Variants in GLRA2 observed in about 807,000 individuals in gnomAD.
The protein encoded by GLRA2 is glycine receptor subunit alpha-2.
GLRA2 carries 11 observed loss-of-function variants against 31.6 expected under a neutral mutation model. The ratio of observed to expected loss-of-function variants is 0.35; its 90% CI spans 0.22 to 0.58. The LOEUF (loss-of-function observed/expected upper bound fraction) is 0.58. Among genes scored for constraint, GLRA2 ranks in the 20% least tolerant of loss-of-function variants. GLRA2 has a pLI of 0.84. For synonymous variants in GLRA2, 132 were observed against 134.0 expected, an observed-to-expected ratio of 0.99 and a Z score of 0.10; for missense variants, 212 against 351.8, an observed-to-expected ratio of 0.60 and a Z score of 3.18.
At chrX:14,482,397 G>A in the GLRA2 span, among the ~76,000 whole-genome samples, 1 of 111,202 alleles carries the variant, frequency 9.0e-6, no homozygotes, top group African/African-American at 3.3e-5. Flanking sequence ...TCAGAATCAT[G>A]TTCTTCAAAT....
chrX:14,464,213 T>C, the GLRA2 span, among the ~76,000 whole-genome samples: 1 of 112,367 alleles, frequency 8.9e-6, no homozygotes, highest in African/African-American at 3.2e-5. Flanking sequence ...ATTTTTGATT[T>C]TGTTGCCTGT....
At chrX:14,514,721 T>G in the GLRA2 span, among the ~76,000 whole-genome samples, 1 of 111,357 alleles carries the variant, frequency 9.0e-6, no homozygotes, top group Non-Finnish European at 1.9e-5. Context: ...TTTTTAGCAT[T>G]TGAAAACTTC....
Position 14,635,885 on chromosome X carries a change from G to A in GLRA2, c.930+26680G>A, listed in dbSNP as rs180747772. Among the ~76,000 whole-genome samples, 282 of 110,809 alleles carry A rather than the reference G, an allele frequency of 2.5e-3. 2 individuals are homozygous for A. The highest frequency in any genetic ancestry group is 3.2e-3 in the Non-Finnish European group (168 of 52,858). On this transcript the variant is annotated intron_variant, in intron 7 of 8. Coordinates refer to ENST00000218075, the MANE Select transcript of GLRA2 (RefSeq NM_002063.4). Reference sequence around the variant, plus strand: ...TCAAACATTGCAGTTTGAATTGAGAGCAAAGAGATGCTTCCCCTTGTGCCC... The same window carrying A: ...TCAAACATTGCAGTTTGAATTGAGAACAAAGAGATGCTTCCCCTTGTGCCC...
At position 14,532,731 on chromosome X, in the gene GLRA2, C is replaced by T. The variant is rs1313182784; in HGVS notation, c.202+359C>T. Among the ~76,000 whole-genome samples, 15 of 111,694 alleles carry T rather than the reference C, an allele frequency of 1.3e-4. No homozygotes were observed. The Admixed American group carries it at 1.4e-3, about 11-fold the overall frequency. ...GGATGCATGCAAGATTCAGTGGTTA[C>T]TCCAAAATATTTGGTTTTGATTTTA... On this transcript the variant is annotated intron_variant, in intron 2 of 8. Transcript: ENST00000218075.
At chrX:14,489,248 G>A in the GLRA2 span, among the ~76,000 whole-genome samples, 1 of 111,526 alleles carries the variant, frequency 9.0e-6, no homozygotes, top group East Asian at 2.8e-4. Flanking sequence ...TGAAACACAG[G>A]TAAAATTGTA....
the GLRA2 span, among the ~76,000 whole-genome samples, chrX:14,521,609 G>T: frequency 9.0e-6 from 1 of 111,514 alleles, no homozygotes; most frequent in South Asian, 3.8e-4. Flanking sequence ...GATGGTCACA[G>T]GACTTAGTCT....
intron 7 of GLRA2, among the ~76,000 whole-genome samples, chrX:14,659,048 T>A: frequency 8.9e-6 from 1 of 112,278 alleles, no homozygotes; most frequent in Non-Finnish European, 1.9e-5. Flanking sequence ...TCACTCTGCC[T>A]TAAAGGCTCC....
the GLRA2 span, among the ~76,000 whole-genome samples, chrX:14,494,897 C>A: frequency 9.0e-6 from 1 of 111,724 alleles, no homozygotes; most frequent in Non-Finnish European, 1.9e-5. Flanking sequence ...CCCAGATGTT[C>A]TGAGTATGAG....
In GLRA2 at chrX:14,574,396, C is replaced by T. The variant is rs1471875378; in HGVS notation, c.266C>T (p.Thr89Ile). 2 of 1,184,253 alleles carry T rather than the reference C, an allele frequency of 1.7e-6. No homozygotes were observed. The highest frequency in any genetic ancestry group is 2.2e-5 in the Admixed American group (1 of 45,843). The change falls in exon 3 of 9, where the codon ACC becomes ATC. Residue 89 changes from threonine to isoleucine, a missense_variant. Coordinates refer to ENST00000218075, the MANE Select transcript of GLRA2 (RefSeq NM_002063.4). The stretch of plus-strand genomic sequence containing the variant: ...AGTTTTGGATCAGTCACAGAAACGA[C>T]CATGGTAAGTGCTGCAATGCCACTG... Reference protein sequence around the residue: ...INSFGSVTETTMDYRVNIFLR... With the variant: ...INSFGSVTETIMDYRVNIFLR...
At chrX:14,594,940 G>GAA (rs533954335) in intron 4 of GLRA2, among the ~76,000 whole-genome samples, 28 of 77,462 alleles carry the variant, frequency 3.6e-4, no homozygotes, top group South Asian at 7.3e-4. Flanking sequence ...AGGTCAACAG[G>GAA]AAAAAAAAAA....
the GLRA2 span, among the ~76,000 whole-genome samples, chrX:14,460,409 C>A: frequency 5.7e-3 from 635 of 111,956 alleles, 2 homozygotes; most frequent in Non-Finnish European, 8.2e-3. Flanking sequence ...GGAGGATTCC[C>A]TCTTTTTCTA....
At chrX:14,573,872 C>T (rs1391822584) in intron 2 of GLRA2, among the ~76,000 whole-genome samples, 1 of 110,038 alleles carries the variant, frequency 9.1e-6, no homozygotes, top group African/African-American at 3.3e-5. Context: ...ATCAAAGTAA[C>T]CTGCTGATTT....
At chrX:14,603,569 C>A (rs1285681217) in intron 4 of GLRA2, among the ~76,000 whole-genome samples, 1 of 111,415 alleles carries the variant, frequency 9.0e-6, no homozygotes, top group Non-Finnish European at 1.9e-5. Flanking sequence ...AAATCTAAGA[C>A]CTAAAACTAT....
intron 7 of GLRA2, among the ~76,000 whole-genome samples, chrX:14,673,032 G>C (rs995566525): frequency 1.8e-5 from 2 of 111,428 alleles, no homozygotes; most frequent in African/African-American, 6.5e-5. Flanking sequence ...CCACAAGCCA[G>C]AGTCTGGGTC....
chrX:14,716,560 C>T (rs1003983065), intron 8 of GLRA2, among the ~76,000 whole-genome samples: 1 of 111,502 alleles, frequency 9.0e-6, no homozygotes, highest in East Asian at 2.8e-4. Context: ...CCAGGGAGCA[C>T]GACTTTTCTG....
the GLRA2 span, among the ~76,000 whole-genome samples, chrX:14,477,502 C>A: frequency 9.0e-6 from 1 of 111,295 alleles, no homozygotes; most frequent in East Asian, 2.8e-4. Context: ...TAATAAAAAT[C>A]TAACCACTCT....
intron 7 of GLRA2, among the ~76,000 whole-genome samples, chrX:14,619,715 C>A (rs904253471): frequency 1.8e-5 from 2 of 110,641 alleles, no homozygotes; most frequent in Admixed American, 9.7e-5. Flanking sequence ...TACTTTATTA[C>A]CTTATAGCAA....
the GLRA2 span, among the ~76,000 whole-genome samples, chrX:14,484,575 C>G: frequency 8.9e-6 from 1 of 111,967 alleles, no homozygotes; most frequent in East Asian, 2.8e-4. Flanking sequence ...GGATGGAGTT[C>G]TTGGCAAAGT....
intron 7 of GLRA2, among the ~76,000 whole-genome samples, chrX:14,647,856 T>C (rs374678021): frequency 8.1e-5 from 9 of 111,680 alleles, no homozygotes; most frequent in African/African-American, 2.9e-4. Context: ...AGGGCATAGA[T>C]GAAGAAAAAT....
Sources: allele counts gnomAD v4.1 joint callset (sites outside exome capture counted in the v4.1 genomes callset), GRCh38; gene constraint gnomAD v4.1.1; transcripts MANE v1.5; gene names NCBI Gene and HGNC (gene_info 2026-07-23, HGNC 2026-07-21).